ATP6V0A4: variants seen among roughly 807,000 people sequenced by gnomAD.
The protein encoded by ATP6V0A4 is ATPase H+ transporting V0 subunit a4, also known as V-type proton ATPase 116 kDa subunit a 4.
A neutral mutation model predicts 107.3 loss-of-function variants in ATP6V0A4; 86 were observed. That is an observed-to-expected ratio of 0.80 (90% CI 0.67 to 0.96). The LOEUF is 0.96. ATP6V0A4 is among the 40% of genes least tolerant of loss of function. ATP6V0A4 has a pLI of 0.00. For missense variants in ATP6V0A4, 908 were observed against 1,045.6 expected, an observed-to-expected ratio of 0.87 and a Z score of 1.81; for synonymous variants, 353 against 381.4, an observed-to-expected ratio of 0.93 and a Z score of 0.87.
At chr7:138,746,879 T>G (rs1805978327) in intron 13 of ATP6V0A4, among the ~76,000 whole-genome samples, 1 of 152,106 alleles carries the variant, frequency 6.6e-6, no homozygotes, top group East Asian at 1.9e-4. Context: ...GTGGAGAAAC[T>G]TAAGAGTGGG....
chr7:138,747,609 C>CG (rs1206112178), intron 12 of ATP6V0A4, 45 bp from the exon 13 acceptor site: 2 of 1,606,558 alleles, frequency 1.2e-6, no homozygotes, highest in Non-Finnish European at 1.7e-6. Flanking sequence ...AGCACAGCCT[C>CG]GGGGCCCCCA....
chr7:138,787,978 C>T (rs898167371), intron 1 of ATP6V0A4, among the ~76,000 whole-genome samples: 3 of 151,550 alleles, frequency 2.0e-5, no homozygotes, highest in African/African-American at 7.3e-5. Context: ...CCACCCTGGG[C>T]AATAGAGTGA....
intron 2 of ATP6V0A4, among the ~76,000 whole-genome samples, chr7:138,783,405 T>C (rs1406446198): frequency 6.6e-6 from 1 of 152,010 alleles, no homozygotes; most frequent in Non-Finnish European, 1.5e-5. Flanking sequence ...ACCCTGTCTC[T>C]ATTTAAAAAA....
At chr7:138,745,029 AG>A in intron 14 of ATP6V0A4, 93 bp downstream of exon 14, 1 of 1,162,568 alleles carries the variant, frequency 8.6e-7, no homozygotes. Flanking sequence ...TGCACCTCTG[AG>A]TAGACCTAGG....
chr7:138,706,868 G>A, intron 21 of ATP6V0A4, 151 bp from the exon 22 acceptor site: 1 of 1,206,256 alleles, frequency 8.3e-7, no homozygotes, highest in South Asian at 1.4e-5. Flanking sequence ...CAGGCTGATG[G>A]CTGCCATGAG....
At chr7:138,737,545 A>G (rs1463420243) in intron 15 of ATP6V0A4, among the ~76,000 whole-genome samples, 3 of 150,162 alleles carry the variant, frequency 2.0e-5, no homozygotes, top group African/African-American at 7.3e-5. Context: ...CAGGAACTGG[A>G]GAGGTAGGAA....
Position 138,758,769 on chromosome 7 carries a change from T to C in ATP6V0A4, c.639+983A>G, listed in dbSNP as rs1282199567. ...TTTTTTTTTTTTTTTTTTTTTTTTTTTGAGGGAGTCTTGCTCTGTCACCCA... is the reference window on the plus strand; with the variant it reads ...TTTTTTTTTTTTTTTTTTTTTTTTTCTGAGGGAGTCTTGCTCTGTCACCCA... On this transcript the variant is annotated intron_variant, in intron 8 of 21. Coordinates refer to ENST00000310018, the MANE Select transcript of ATP6V0A4 (RefSeq NM_020632.3). Among the ~76,000 whole-genome samples, 6 of 82,238 alleles carry C rather than the reference T, an allele frequency of 7.3e-5. No individual in the cohort carries two copies. In the East Asian group the frequency reaches 2.0e-3, roughly 27 times the overall value. The allele number at this position is 82,238 out of a possible 152,430, so 54.0% of individuals were successfully genotyped here.
rs2117239506 is a variant in ATP6V0A4, at chr7:138,732,992, C to T, written c.1793G>A (p.Trp598Ter). 6.2e-7 allele frequency: 1 copy of T among 1,613,816 alleles called. No homozygotes were observed. Among genetic ancestry groups the T allele is most frequent in the East Asian group, 2.2e-5 (1 of 44,874 alleles). ...AGATACATGGACGTCAAAGCAGCAC[C>T]ATTTGAAAATGATCATGAAAACCAG... ...GYLVFMIIFKWCCFDVHVSQH... is the reference protein window; with the variant it reads ...GYLVFMIIFK The change falls in exon 17 of 22, where the codon TGG becomes TAG. Residue 598 changes from tryptophan (W) to a stop codon, truncating the protein, a stop_gained. Coordinates refer to ENST00000310018, the MANE Select transcript of ATP6V0A4 (RefSeq NM_020632.3). LOFTEE classifies it high-confidence loss of function.
rs3807154 is a variant in ATP6V0A4 at position 138,732,973 on chromosome 7, A to G, written c.1812T>C (p.His604=). 1,145,677 of 1,613,270 alleles carry G rather than the reference A, an allele frequency of 0.71. 410,382 individuals carry two copies. Among genetic ancestry groups the G allele is most frequent in the Admixed American group, 0.81 (48,324 of 59,960 alleles). The change falls in exon 17 of 22, where the codon CAT becomes CAC. Residue 604 remains histidine (H), a synonymous_variant. Transcript: ENST00000310018. ...GGATGCTGGGGGCGTGCTGAGATAC[A>G]TGGACGTCAAAGCAGCACCATTTGA... ...IIFKWCCFDV[H]VSQHAPSILI...
chr7:138,781,531 C>T (rs551636096), intron 2 of ATP6V0A4, among the ~76,000 whole-genome samples: 2 of 152,216 alleles, frequency 1.3e-5, no homozygotes, highest in African/African-American at 4.8e-5. Flanking sequence ...GGGGTTTCAC[C>T]ATCTTGGCCA....
chr7:138,740,330 G>A (rs941408689), intron 14 of ATP6V0A4, among the ~76,000 whole-genome samples: 11 of 151,720 alleles, frequency 7.3e-5, no homozygotes, highest in African/African-American at 2.7e-4. Flanking sequence ...CAACTGCTAT[G>A]AAACTTAACT....
At position 138,709,742 on chromosome 7, in the gene ATP6V0A4, C is replaced by T. The variant is rs368910463; in HGVS notation, c.2311G>A (p.Gly771Ser). 1.2e-6 allele frequency: 2 copies of T among 1,614,020 alleles called. No individual in the cohort carries two copies. The highest frequency in any genetic ancestry group is 2.7e-5 in the African/African-American group (2 of 74,924). ...AAAACCCCGACGATTCCTCCCCAGC[C>T]TCGCGTCTGAAGGCCGCTGTTCATC... ...MVMNSGLQTR[G>S]WGGIVGVFII... is the part of the protein sequence containing the mutation. Residue 771 changes from glycine (G) to serine (S), a missense_variant, in exon 21 of 22, where the codon GGC (glycine) becomes AGC (serine). Physicochemically the swap from Gly to Ser is moderately conservative, Grantham distance 56. Transcript: ENST00000310018.
chr7:138,790,834 G>T (rs1808377517), intron 1 of ATP6V0A4, among the ~76,000 whole-genome samples: 1 of 152,150 alleles, frequency 6.6e-6, no homozygotes, highest in South Asian at 2.1e-4. Context: ...TAGCAGATTT[G>T]TGTTGCCCCC....
intron 13 of ATP6V0A4, among the ~76,000 whole-genome samples, chr7:138,745,546 G>C (rs562402838): frequency 9.1e-4 from 138 of 151,588 alleles, no homozygotes; most frequent in Non-Finnish European, 1.7e-3. Context: ...GCGTGGTGGT[G>C]CATGCCTGTA....
At position 138,722,150 on chromosome 7, in the gene ATP6V0A4, C is replaced by G; in HGVS notation, c.2011-125G>C. The G allele has an allele frequency of 2.7e-6, 4 of 1,478,134 alleles. No individual in the cohort carries two copies. The South Asian group carries it at 3.7e-5, about 13-fold the overall frequency. 91.6% of individuals were successfully genotyped at this position (1,478,134 alleles called of 1,614,324 possible). A position where few individuals can be genotyped will look rare whatever the true frequency, so the allele number is the denominator to read the frequency against. Reference sequence around the variant, plus strand: ...ACCAGACACTGTTCTAAACACTACACTATCTCATTAAGCCCTCACAACAAC... The same window carrying G: ...ACCAGACACTGTTCTAAACACTACAGTATCTCATTAAGCCCTCACAACAAC... On this transcript the variant is annotated intron_variant, in intron 18 of 21. Coordinates refer to ENST00000310018, the MANE Select transcript of ATP6V0A4 (RefSeq NM_020632.3).
chr7:138,732,745 G>T, intron 17 of ATP6V0A4, 132 bp downstream of exon 17: 1 of 1,019,988 alleles, frequency 9.8e-7, no homozygotes, highest in Non-Finnish European at 1.4e-6. Flanking sequence ...AGTGAGTCAA[G>T]ATCACGCCAC....
In ATP6V0A4 at chr7:138,755,832, A is replaced by G. The variant is rs776519206; in HGVS notation, c.723-50T>C. ...AACAGGTGAGTTCTTGCTGCAAAGC[A>G]TTCTGCATCCCCTTTTCTGCTAAGA... On this transcript the variant is annotated intron_variant, in intron 9 of 21. Coordinates refer to ENST00000310018, the MANE Select transcript of ATP6V0A4 (RefSeq NM_020632.3). 1.9e-6 allele frequency: 3 copies of G among 1,600,760 alleles called. No individual in the cohort carries two copies. The Admixed American group carries it at 5.1e-5, about 27-fold the overall frequency.
intron 17 of ATP6V0A4, among the ~76,000 whole-genome samples, chr7:138,730,604 G>A (rs1239531796): frequency 6.6e-6 from 1 of 152,168 alleles, no homozygotes; most frequent in Non-Finnish European, 1.5e-5. Context: ...CATTCACTGT[G>A]CAATGCTCAG....
Position 138,707,238 on chromosome 7 carries a change from ATAT to A in ATP6V0A4, c.2430-524_2430-522del, listed in dbSNP as rs1481369710. Reference sequence around the variant, plus strand: ...TTATATAGAATATATTATATAATATATATTATATTATATAGAATATATATTATA... The same window carrying A: ...TTATATAGAATATATTATATAATATATATATTATATAGAATATATATTATA... On this transcript the variant is annotated intron_variant, in intron 21 of 21. Transcript: ENST00000310018. Among the ~76,000 whole-genome samples, 247 of 85,532 alleles carry A rather than the reference ATAT, an allele frequency of 2.9e-3. 4 individuals carry two copies. Among genetic ancestry groups the A allele is most frequent in the African/African-American group, 0.012 (243 of 19,600 alleles). The allele number at this position is 85,532 out of a possible 152,430, so 56.1% of individuals were successfully genotyped here. A position where few individuals can be genotyped will look rare whatever the true frequency, so the allele number is the denominator to read the frequency against.
Sources: gnomAD v4.1 joint callset for allele counts (sites outside exome capture counted in the v4.1 genomes callset) on GRCh38, gnomAD v4.1.1 for gene constraint, MANE v1.5 for transcripts, NCBI Gene and HGNC (gene_info 2026-07-23, HGNC 2026-07-21) for gene names.